NBEAL2: variants seen among roughly 807,000 people sequenced by gnomAD.
NBEAL2 encodes neurobeachin like 2.
In NBEAL2, 160 loss-of-function variants were observed where a neutral mutation model predicts 299.8. The ratio of observed to expected loss-of-function variants is 0.53; its 90% CI spans 0.47 to 0.61. NBEAL2 has a LOEUF of 0.61. Ranked by LOEUF, NBEAL2 falls within the 20% of genes least tolerant of loss-of-function variation. NBEAL2 has a pLI of 0.00. For synonymous variants in NBEAL2, 1,493 were observed against 1,542.3 expected (o/e 0.97, Z 0.75); for missense variants, 3,112 against 3,649.0 (o/e 0.85, Z 3.79).
chr3:47,005,459 C>A (rs1191769761), intron 40 of NBEAL2, 30 bp from the exon 41 acceptor site: 1 of 1,605,578 alleles, frequency 6.2e-7, no homozygotes, highest in Non-Finnish European at 8.5e-7. Flanking sequence ...ATTCTCCCCA[C>A]CTCACCTTGG....
In NBEAL2 at chr3:47,003,153, A is replaced by G; in HGVS notation, c.5585-21A>G. 1 of 1,607,036 alleles carries G rather than the reference A, an allele frequency of 6.2e-7. No individual in the cohort carries two copies. The highest frequency in any genetic ancestry group is 1.1e-5 in the South Asian group (1 of 90,776). On this transcript the variant is annotated intron_variant, in intron 34 of 53. Transcript: ENST00000450053. This position sits in a 1 kb window ranked among gnomAD's most constrained non-coding sequence, Gnocchi z 7.0. ...CTCCTGTCCTGCCTTGCTTCTGCTGAGTACCCTTGGCCCCTTGCAGGTGAG... is the reference window on the plus strand; with the variant it reads ...CTCCTGTCCTGCCTTGCTTCTGCTGGGTACCCTTGGCCCCTTGCAGGTGAG...
intron 10 of NBEAL2, among the ~76,000 whole-genome samples, chr3:46,993,425 T>C (rs1194918020): frequency 6.6e-6 from 1 of 152,216 alleles, no homozygotes; most frequent in Non-Finnish European, 1.5e-5. Flanking sequence ...TCAGCCAGGC[T>C]GAGCCTCAGT....
chr3:46,985,570 C>G (rs1299003506), intron 1 of NBEAL2, among the ~76,000 whole-genome samples: 4 of 152,242 alleles, frequency 2.6e-5, no homozygotes, highest in Non-Finnish European at 4.4e-5. Context: ...CAAGTGCCCT[C>G]ACAGCTAGTT....
At chr3:46,998,425 A>T in intron 21 of NBEAL2, 38 bp from the exon 22 acceptor site, 1 of 1,586,444 alleles carries the variant, frequency 6.3e-7, no homozygotes, top group East Asian at 2.3e-5. Flanking sequence ...GGCCCAGCTC[A>T]GCCTAGTGGC....
Position 47,007,285 on chromosome 3 carries a change from GC to G in NBEAL2, c.7272del (p.Tyr2425MetfsTer5), listed in dbSNP as rs748923189. On this transcript the variant is annotated frameshift_variant, in exon 47 of 54. Coordinates refer to ENST00000450053, the MANE Select transcript of NBEAL2 (RefSeq NM_015175.3). LOFTEE classifies it high-confidence loss of function. ...SGLLGTHSWL[P>X]YDRNISNYFS... ...GGCTGCTGGGCACCCACAGCTGGTT[GC>G]CCTATGACCGCAACATAAGCAACTA... is the stretch of plus-strand genomic sequence containing the variant. 6.2e-7 allele frequency: 1 copy of G among 1,612,642 alleles called. No homozygotes were observed. Among genetic ancestry groups the G allele is most frequent in the Non-Finnish European group, 8.5e-7 (1 of 1,179,390 alleles).
Position 47,003,727 on chromosome 3 carries a change from C to T in NBEAL2, c.5721-89C>T. 6.9e-7 allele frequency: 1 copy of T among 1,450,000 alleles called. No individual in the cohort carries two copies. 89.8% of individuals were successfully genotyped at this position (1,450,000 alleles called of 1,614,324 possible). On this transcript the variant is annotated intron_variant, in intron 35 of 53. Coordinates refer to ENST00000450053, the MANE Select transcript of NBEAL2 (RefSeq NM_015175.3). The surrounding 1 kb of genome is among the most constrained non-coding windows in gnomAD (Gnocchi z 7.0). ...TCTGGGAGTCATGAGAGTATATACC[C>T]CATGACTCAATGGCACTTGGATGCC...
rs568481960 is a variant in NBEAL2 at position 46,999,339 on chromosome 3, G to A, written c.3568G>A (p.Glu1190Lys). Reference sequence around the variant, plus strand: ...GATCCTGCGCAGACTGCAGCAGAATGAGCGGCTACCTGAGCGGAGCCGCCA... The same window carrying A: ...GATCCTGCGCAGACTGCAGCAGAATAAGCGGCTACCTGAGCGGAGCCGCCA... ...CKILRRLQQN[E>K]RLPERSRQRL... is the part of the protein sequence containing the mutation. The change falls in exon 25 of 54, where the codon GAG becomes AAG. Residue 1190 changes from glutamate to lysine, a missense_variant. Physicochemically the swap from Glu to Lys is moderately conservative, Grantham distance 56 (BLOSUM62 1). Around this residue, in one of 3 missense-constraint regions of NBEAL2, gnomAD observed 2,243 missense variants for 2,538.1 expected, o/e 0.88. Transcript: ENST00000450053. 8.1e-6 allele frequency: 13 copies of A among 1,611,156 alleles called. No individual in the cohort carries two copies. The highest frequency in any genetic ancestry group is 2.2e-5 in the South Asian group (2 of 90,898).
At position 47,004,491 on chromosome 3, in the gene NBEAL2, C is replaced by G. The variant is rs2037276730; in HGVS notation, c.6199-4C>G. On this transcript the variant is annotated splice_polypyrimidine_tract_variant and splice_region_variant and intron_variant, in intron 37 of 53. Transcript: ENST00000450053. This position sits in a 1 kb window ranked among gnomAD's most constrained non-coding sequence, Gnocchi z 5.0. ...GCTCACATCTTGTCTGCCCCTGTCC[C>G]CAGAAATGGGTACAGCGTGAGATAT... The G allele has an allele frequency of 6.2e-7, 1 of 1,613,474 alleles. No homozygotes were observed. Among genetic ancestry groups the G allele is most frequent in the Non-Finnish European group, 8.5e-7 (1 of 1,179,624 alleles).
At chr3:47,005,915 C>T in intron 42 of NBEAL2, 31 bp from the exon 43 acceptor site, 2 of 1,612,478 alleles carry the variant, frequency 1.2e-6, no homozygotes, top group African/African-American at 1.3e-5. Flanking sequence ...GTCAGCTGTC[C>T]CTGCACTGAT....
In NBEAL2 at chr3:46,998,873, C is replaced by T. The variant is rs376139545; in HGVS notation, c.3378C>T (p.Asp1126=). ...GCTTTTTGGCGGCCACAGGCGATGA[C>T]GGTCAGGTAGGCTGGAGGTTGGGGA... ...MLSFLAATGD[D]GQAVGALDLL... The change falls in exon 23 of 54, where the codon GAC becomes GAT. Residue 1126 remains aspartate (D), a synonymous_variant. Coordinates refer to ENST00000450053, the MANE Select transcript of NBEAL2 (RefSeq NM_015175.3). 33 of 1,591,948 alleles carry T rather than the reference C, an allele frequency of 2.1e-5. No individual in the cohort carries two copies. The East Asian group carries it at 4.3e-4, about 21-fold the overall frequency.
In NBEAL2 at chr3:47,001,796, A is replaced by T. The variant is rs755041635; in HGVS notation, c.4752A>T (p.Val1584=). 5 of 1,613,812 alleles carry T rather than the reference A, an allele frequency of 3.1e-6. No individual in the cohort carries two copies. The highest frequency in any genetic ancestry group is 4.2e-6 in the Non-Finnish European group (5 of 1,179,884). Residue 1584 remains valine, a synonymous_variant, in exon 30 of 54, where the codon GTA becomes GTT. Coordinates refer to ENST00000450053, the MANE Select transcript of NBEAL2 (RefSeq NM_015175.3). The surrounding 1 kb of genome is among the most constrained non-coding windows in gnomAD (Gnocchi z 6.1). The part of the protein sequence containing the change: ...REMAQIGLRL[V]LGYILLEDPQ... Reference sequence around the variant, plus strand: ...TGGCGCAGATTGGCCTACGGCTTGTACTTGGCTACATCCTGCTGGAAGACC... The same window carrying T: ...TGGCGCAGATTGGCCTACGGCTTGTTCTTGGCTACATCCTGCTGGAAGACC...
rs563759318 is a variant in NBEAL2 at position 46,987,322 on chromosome 3, T to G, written c.52-1347T>G. ...GGCCTGCTGAGTGCTGACTGTGATGTGTCCCTTGCCTCTTCATCCTTTTCC... is the reference window on the plus strand; with the variant it reads ...GGCCTGCTGAGTGCTGACTGTGATGGGTCCCTTGCCTCTTCATCCTTTTCC... On this transcript the variant is annotated intron_variant, in intron 1 of 53. Transcript: ENST00000450053. Among the ~76,000 whole-genome samples the G allele has an allele frequency of 8.4e-4, 128 of 152,270 alleles. 1 individual carries two copies. The highest frequency in any genetic ancestry group is 1.5e-3 in the Non-Finnish European group (102 of 68,008).
In NBEAL2 at chr3:46,988,641, C is replaced by T; in HGVS notation, c.52-28C>T. On this transcript the variant is annotated intron_variant, in intron 1 of 53. Transcript: ENST00000450053. This position sits in a 1 kb window ranked among gnomAD's most constrained non-coding sequence, Gnocchi z 4.4. ...TGTTTACTGCATCCCTCCTGCCCCC[C>T]ACCACTGTTCCCCTGTTCTGCCTAC... is the stretch of plus-strand genomic sequence containing the variant. 3 of 1,599,910 alleles carry T rather than the reference C, an allele frequency of 1.9e-6. No individual in the cohort carries two copies. The highest frequency in any genetic ancestry group is 2.6e-6 in the Non-Finnish European group (3 of 1,167,318).
chr3:46,987,441 AG>A (rs1301740498), intron 1 of NBEAL2, among the ~76,000 whole-genome samples: 1 of 152,178 alleles, frequency 6.6e-6, no homozygotes, highest in Non-Finnish European at 1.5e-5. Context: ...GCCAGCCTGG[AG>A]GAGCTCCTGT....
In NBEAL2 at chr3:47,002,821, A is replaced by C. The variant is rs1245857092; in HGVS notation, c.5459+19A>C. 2.2e-6 allele frequency: 2 copies of C among 896,594 alleles called. No homozygotes were observed. The highest frequency in any genetic ancestry group is 1.9e-5 in the African/African-American group (1 of 53,394). 55.5% of individuals were successfully genotyped at this position (896,594 alleles called of 1,614,324 possible). On this transcript the variant is annotated intron_variant, in intron 33 of 53. Transcript: ENST00000450053. ...CGCTGAGGTGGGCCGGGCTTGGGGCAGGGTCGCTGTGGAGGGGTGGGGCTT... is the reference window on the plus strand; with the variant it reads ...CGCTGAGGTGGGCCGGGCTTGGGGCCGGGTCGCTGTGGAGGGGTGGGGCTT...
In NBEAL2 at chr3:46,994,467, G is replaced by A; in HGVS notation, c.1210G>A (p.Glu404Lys). The change falls in exon 12 of 54, where the codon GAG becomes AAG. Residue 404 changes from glutamate (E) to lysine (K), a missense_variant. Transcript: ENST00000450053. ...CTACCTTACACAGGAGGTGTTTAAGGAGCGCATCGGCTACCCTCACCTGCA... is the reference window on the plus strand; with the variant it reads ...CTACCTTACACAGGAGGTGTTTAAGAAGCGCATCGGCTACCCTCACCTGCA... Reference protein sequence around the residue: ...DSPSAKEVFKERIGYPHLQEV... With the variant: ...DSPSAKEVFKKRIGYPHLQEV... The A allele has an allele frequency of 6.3e-7, 1 of 1,593,538 alleles. No homozygotes were observed. The highest frequency in any genetic ancestry group is 2.3e-5 in the East Asian group (1 of 44,360).
In NBEAL2 at chr3:46,994,471, G is replaced by T. The variant is rs747714682; in HGVS notation, c.1214G>T (p.Arg405Leu). The change falls in exon 12 of 54, where the codon CGC (arginine) becomes CTC (leucine). Residue 405 changes from arginine to leucine, a missense_variant. Transcript: ENST00000450053. ...CTTACACAGGAGGTGTTTAAGGAGC[G>T]CATCGGCTACCCTCACCTGCAGGAG... is the stretch of plus-strand genomic sequence containing the variant. The part of the protein sequence containing the change: ...SPSAKEVFKE[R>L]IGYPHLQEVL... The T allele has an allele frequency of 1.3e-6, 2 of 1,594,050 alleles. No homozygotes were observed. The highest frequency in any genetic ancestry group is 2.3e-5 in the East Asian group (1 of 44,384).
rs1366216958 is a variant in NBEAL2, at chr3:47,004,406, G to C, written c.6198+13G>C. On this transcript the variant is annotated intron_variant, in intron 37 of 53. Transcript: ENST00000450053. The surrounding 1 kb of genome is among the most constrained non-coding windows in gnomAD (Gnocchi z 5.0). ...AGGCCTTACCCAGGTGAGAGCCCTG[G>C]GTGTGAGGGATGTGAAGTCGGGACC... The C allele has an allele frequency of 3.1e-6, 5 of 1,589,540 alleles. No homozygotes were observed. Among genetic ancestry groups the C allele is most frequent in the Non-Finnish European group, 4.3e-6 (5 of 1,165,168 alleles).
Position 47,000,237 on chromosome 3 carries a change from C to T in NBEAL2, c.4138C>T (p.Leu1380Phe), listed in dbSNP as rs764151856. 83 of 1,613,300 alleles carry T rather than the reference C, an allele frequency of 5.1e-5. No homozygotes were observed. Among genetic ancestry groups the T allele is most frequent in the Admixed American group, 1.8e-4 (11 of 60,002 alleles). Residue 1380 changes from leucine to phenylalanine, a missense_variant, in exon 27 of 54, where the codon CTT becomes TTT. Leu to Phe is a conservative substitution (Grantham distance 22). Coordinates refer to ENST00000450053, the MANE Select transcript of NBEAL2 (RefSeq NM_015175.3). This position sits in a 1 kb window ranked among gnomAD's most constrained non-coding sequence, Gnocchi z 4.5. ...TAGGGGSSGTLTPASQPGTPS... is the reference protein window; with the variant it reads ...TAGGGGSSGTFTPASQPGTPS... ...TGGTGGTGGCGGCAGCAGTGGGACT[C>T]TTACTCCAGCCAGCCAGCCCGGCAC...
Sources: gnomAD v4.1 joint callset for allele counts (sites outside exome capture counted in the v4.1 genomes callset) on GRCh38, gnomAD v4.1.1 for gene constraint, gnomAD v4.1.1 regional missense constraint, Gnocchi (gnomAD v3.1) non-coding constraint, MANE v1.5 for transcripts, NCBI Gene and HGNC (gene_info 2026-07-23, HGNC 2026-07-21) for gene names.